The following PRDM4 variants were observed in gnomAD, a reference collection of about 807,000 sequenced individuals.
The protein encoded by PRDM4 is PR domain zinc finger protein 4.
PRDM4 carries 38 observed loss-of-function variants against 62.3 expected under a neutral mutation model. That is an observed-to-expected ratio of 0.61 (90% confidence interval 0.47 to 0.80). The LOEUF (loss-of-function observed/expected upper bound fraction) is 0.80, where lower values mean the gene tolerates loss of function less well. PRDM4 is among the 30% of genes least tolerant of loss of function. The pLI is 0.00. For synonymous variants in PRDM4, 339 were observed against 348.2 expected (o/e 0.97, Z 0.30); for missense variants, 858 against 997.1 (o/e 0.86, Z 1.88).
chr12:107,746,362 C>G lies in PRDM4; in HGVS notation c.1189G>C (p.Val397Leu), dbSNP rs755913264. 6.2e-7 allele frequency: 1 copy of G among 1,613,754 alleles called. No homozygotes were observed. Among genetic ancestry groups the G allele is most frequent in the Admixed American group, 1.7e-5 (1 of 59,976 alleles). The part of the protein sequence containing the change: ...DCPEHGPVTF[V>L]PDTPIESRAR... ...CTGCTCTCTATTGGAGTGTCAGGAA[C>G]AAAAGTCACTGGTCCATGTTCGGGA... is the stretch of plus-strand genomic sequence containing the variant. The change falls in exon 6 of 12, where the codon GTT becomes CTT. Residue 397 changes from valine to leucine, a missense_variant. By Grantham distance (32) the Val-to-Leu change is conservative. This residue lies in a region of PRDM4 where 499 missense variants were observed against 546.7 expected (regional missense o/e 0.91). Transcript: ENST00000228437.
chr12:107,748,780 C>A (rs10861774), intron 5 of PRDM4, among the ~76,000 whole-genome samples: 10 of 151,870 alleles, frequency 6.6e-5, no homozygotes, highest in Non-Finnish European at 1.2e-4. Flanking sequence ...CTTGTAAATA[C>A]ACCAAAAAAA....
intron 7 of PRDM4, among the ~76,000 whole-genome samples, chr12:107,744,144 T>G (rs748023954): frequency 6.6e-6 from 1 of 151,298 alleles, no homozygotes. Context: ...ACTAGAAAAA[T>G]AATCTTAGCT....
At position 107,746,509 on chromosome 12, in the gene PRDM4, A is replaced by G. The variant is rs900191220; in HGVS notation, c.1127-85T>C. On this transcript the variant is annotated intron_variant, in intron 5 of 11. Coordinates refer to ENST00000228437, the MANE Select transcript of PRDM4 (RefSeq NM_012406.4). The stretch of plus-strand genomic sequence containing the variant: ...CCACGGTTTTTTTTTTTTTTGAGAC[A>G]AAGTCTTGCTCTGCACCCAGGCTGG... 2.8e-5 allele frequency: 36 copies of G among 1,283,820 alleles called. No homozygotes were observed. In the African/African-American group the frequency reaches 4.5e-4, roughly 16 times the overall value. 79.5% of individuals were successfully genotyped at this position (1,283,820 alleles called of 1,614,324 possible). A position where few individuals can be genotyped will look rare whatever the true frequency, so the allele number is the denominator to read the frequency against.
chr12:107,751,789 T>C lies in PRDM4; in HGVS notation c.752A>G (p.His251Arg), dbSNP rs766794674. Reference protein sequence around the residue: ...SNNLAADAVGHGGVIPMHGNG... With the variant: ...SNNLAADAVGRGGVIPMHGNG... Reference sequence around the variant, plus strand: ...CCCATGCATGGGTATCACACCACCATGTCCTACAGCGTCTGCTGCAAGGTT... The same window carrying C: ...CCCATGCATGGGTATCACACCACCACGTCCTACAGCGTCTGCTGCAAGGTT... The change falls in exon 5 of 12, where the codon CAT becomes CGT. Residue 251 changes from histidine to arginine, a missense_variant. Physicochemically the swap from His to Arg is conservative, Grantham distance 29. Around this residue, in one of 3 missense-constraint regions of PRDM4, gnomAD observed 499 missense variants for 546.7 expected, o/e 0.91. Coordinates refer to ENST00000228437, the MANE Select transcript of PRDM4 (RefSeq NM_012406.4). 4 of 1,614,078 alleles carry C rather than the reference T, an allele frequency of 2.5e-6. No homozygotes were observed. Among genetic ancestry groups the C allele is most frequent in the Admixed American group, 1.7e-5 (1 of 60,010 alleles).
At position 107,761,063 on chromosome 12, in the gene PRDM4, G is replaced by C. The variant is rs1190049111; in HGVS notation, c.-363C>G. The C allele has an allele frequency of 6.6e-6, 1 of 151,522 alleles. No homozygotes were observed. The highest frequency in any genetic ancestry group is 2.4e-5 in the African/African-American group (1 of 41,340). The allele number at this position is 151,522 out of a possible 1,614,324, so 9.4% of individuals were successfully genotyped here. On this transcript the variant is annotated 5_prime_UTR_variant, in exon 1 of 12. Transcript: ENST00000228437. ...CGTCCGCTCGGCCCCCTCACCCCGG[G>C]GGCCGCTGCCCTAACGTTTCCCGTC...
At chr12:107,760,803 A>C in intron 1 of PRDM4, 32 bp from the exon 2 acceptor site, 1 of 386,864 alleles carries the variant, frequency 2.6e-6, no homozygotes, top group Non-Finnish European at 4.7e-6. Flanking sequence ...CGGTCACCAA[A>C]ACCACAACAA....
chr12:107,744,144 T>C (rs748023954), intron 7 of PRDM4, among the ~76,000 whole-genome samples: 1 of 151,298 alleles, frequency 6.6e-6, no homozygotes, highest in Admixed American at 6.6e-5. Flanking sequence ...ACTAGAAAAA[T>C]AATCTTAGCT....
At position 107,754,053 on chromosome 12, in the gene PRDM4, G is replaced by C. The variant is rs146782416; in HGVS notation, c.202C>G (p.Leu68Val). ...GPSLSSLPSA[L>V]SLMLPMGIGD... ...ATACCCATTGGTAGCATTAAAGACAGAGCAGAAGGCAGAGAGCTCAGGGAG... is the reference window on the plus strand; with the variant it reads ...ATACCCATTGGTAGCATTAAAGACACAGCAGAAGGCAGAGAGCTCAGGGAG... Residue 68 changes from leucine (L) to valine (V), a missense_variant, in exon 4 of 12, where the codon CTG becomes GTG. Coordinates refer to ENST00000228437, the MANE Select transcript of PRDM4 (RefSeq NM_012406.4). The C allele has an allele frequency of 1.5e-5, 25 of 1,613,728 alleles. No individual in the cohort carries two copies. The highest frequency in any genetic ancestry group is 1.6e-4 in the Middle Eastern group (1 of 6,082).
At position 107,734,224 on chromosome 12, in the gene PRDM4, A is replaced by G. The variant is rs779848154; in HGVS notation, c.2392T>C (p.Ser798Pro). 1 of 1,596,458 alleles carries G rather than the reference A, an allele frequency of 6.3e-7. No homozygotes were observed. The highest frequency in any genetic ancestry group is 8.5e-7 in the Non-Finnish European group (1 of 1,172,294). ...SAVYSADESL[S>P]AHK ...TTCTTTTCCTTTTATTTATGTGCAG[A>G]AAGAGACTCATCCGCTGAATACACA... The change falls in exon 12 of 12, where the codon TCT (serine) becomes CCT (proline). Residue 798 changes from serine (S) to proline (P), a missense_variant. Transcript: ENST00000228437.
intron 7 of PRDM4, 73 bp from the exon 8 acceptor site, chr12:107,743,355 G>A (rs1184182883): frequency 3.8e-6 from 4 of 1,056,992 alleles, no homozygotes; most frequent in Non-Finnish European, 4.4e-6. Context: ...ACTTAGGCCA[G>A]CAATCACCTC....
rs1374138247 is a variant in PRDM4 at position 107,744,542 on chromosome 12, C to G, written c.1395+1G>C. On this transcript the variant is annotated splice_donor_variant, in intron 7 of 11. Coordinates refer to ENST00000228437, the MANE Select transcript of PRDM4 (RefSeq NM_012406.4). LOFTEE classifies it high-confidence loss of function. Reference sequence around the variant, plus strand: ...CACAGAAAAGTTTCATCAGGACTGACCTTCCAGATATGGTTAACTGCCTTG... The same window carrying G: ...CACAGAAAAGTTTCATCAGGACTGAGCTTCCAGATATGGTTAACTGCCTTG... 6.2e-7 allele frequency: 1 copy of G among 1,612,718 alleles called. No homozygotes were observed. Among genetic ancestry groups the G allele is most frequent in the Non-Finnish European group, 8.5e-7 (1 of 1,178,918 alleles).
At chr12:107,760,361 A>AC in intron 2 of PRDM4, 144 bp downstream of exon 2, 1 of 1,033,608 alleles carries the variant, frequency 9.7e-7, no homozygotes, top group Non-Finnish European at 1.4e-6. Context: ...ATTCCACCCA[A>AC]CACTAGTTTC....
intron 4 of PRDM4, 127 bp downstream of exon 4, chr12:107,753,797 T>C (rs1032463343): frequency 1.4e-5 from 12 of 869,704 alleles, no homozygotes; most frequent in African/African-American, 1.7e-5. Context: ...AAAGATACTT[T>C]TCCTGCCTAG....
At position 107,742,274 on chromosome 12, in the gene PRDM4, G is replaced by C; in HGVS notation, c.1556C>G (p.Pro519Arg). Residue 519 changes from proline to arginine, a missense_variant, in exon 9 of 12, where the codon CCT (proline) becomes CGT (arginine). Around this residue, in one of 3 missense-constraint regions of PRDM4, gnomAD observed 355 missense variants for 432.6 expected, o/e 0.82. Transcript: ENST00000228437. ...KIFFCTSQDI[P>R]PENELLFYYS... Reference sequence around the variant, plus strand: ...ATAAAAAAGCAGTTCATTTTCAGGAGGGATATCTTGTGAGGTGCAGAAAAA... The same window carrying C: ...ATAAAAAAGCAGTTCATTTTCAGGACGGATATCTTGTGAGGTGCAGAAAAA... The C allele has an allele frequency of 6.2e-7, 1 of 1,613,262 alleles. No individual in the cohort carries two copies. The highest frequency in any genetic ancestry group is 8.5e-7 in the Non-Finnish European group (1 of 1,179,342).
intron 6 of PRDM4, among the ~76,000 whole-genome samples, chr12:107,745,761 A>T (rs539995708): frequency 3.3e-4 from 51 of 152,374 alleles, no homozygotes; most frequent in Non-Finnish European, 6.9e-4. Context: ...AAGAATAATG[A>T]ACCTAATTTT....
Position 107,746,454 on chromosome 12 carries a change from TG to T in PRDM4, c.1127-31del, listed in dbSNP as rs1308302856. 5.9e-6 allele frequency: 9 copies of T among 1,518,270 alleles called. No individual in the cohort carries two copies. The African/African-American group carries it at 1.1e-4, about 19-fold the overall frequency. 94.0% of individuals were successfully genotyped at this position (1,518,270 alleles called of 1,614,324 possible). A position where few individuals can be genotyped will look rare whatever the true frequency, so the allele number is the denominator to read the frequency against. ...AGATGGCAAATTTGAGCAATACAAA[TG>T]GGTTTAGTTCAAGCAGGCTAAATTA... On this transcript the variant is annotated intron_variant, in intron 5 of 11. Coordinates refer to ENST00000228437, the MANE Select transcript of PRDM4 (RefSeq NM_012406.4).
chr12:107,748,708 G>T (rs1373399213), intron 5 of PRDM4, among the ~76,000 whole-genome samples: 1 of 152,246 alleles, frequency 6.6e-6, no homozygotes, highest in Non-Finnish European at 1.5e-5. Flanking sequence ...TAATGGTTAT[G>T]AAGTTTCTTT....
intron 7 of PRDM4, among the ~76,000 whole-genome samples, chr12:107,743,854 C>G (rs11113461): frequency 0.29 from 44,693 of 152,166 alleles, 8,233 homozygotes; most frequent in Middle Eastern, 0.43. Context: ...GTGGCTCACA[C>G]CTGTAATCCC....
intron 5 of PRDM4, 69 bp from the exon 6 acceptor site, chr12:107,746,493 T>C: frequency 7.2e-7 from 1 of 1,388,430 alleles, no homozygotes; most frequent in Non-Finnish European, 9.7e-7. Context: ...ACCACGGTTT[T>C]TTTTTTTTTT....
Sources: gnomAD v4.1 joint callset for allele counts (sites outside exome capture counted in the v4.1 genomes callset) on GRCh38, gnomAD v4.1.1 for gene constraint, gnomAD v4.1.1 regional missense constraint, MANE v1.5 for transcripts, NCBI Gene and HGNC (gene_info 2026-07-23, HGNC 2026-07-21) for gene names.